The following KIAA1549L variants were observed in gnomAD, a reference collection of about 807,000 sequenced individuals.
KIAA1549L encodes the protein KIAA1549 like.
KIAA1549L carries 88 observed loss-of-function variants against 160.7 expected under a neutral mutation model. The ratio of observed to expected loss-of-function variants is 0.55; its 90% CI spans 0.46 to 0.65. The LOEUF is 0.65. KIAA1549L is among the 30% of genes least tolerant of loss of function. The pLI, the probability that KIAA1549L is intolerant of heterozygous loss-of-function variation, is 0.00. For synonymous variants in KIAA1549L, 950 were observed against 976.7 expected, an observed-to-expected ratio of 0.97 and a Z score of 0.51; for missense variants, 2,258 against 2,437.5, an observed-to-expected ratio of 0.93 and a Z score of 1.55.
At chr11:33,554,846 C>T (rs1436811727) in intron 6 of KIAA1549L, among the ~76,000 whole-genome samples, 1 of 152,204 alleles carries the variant, frequency 6.6e-6, no homozygotes, top group African/African-American at 2.4e-5. Context: ...GGTAGGCAAA[C>T]AACAGCTTTC....
chr11:33,667,847 T>C, intron 20 of KIAA1549L, 26 bp from the exon 21 acceptor site: 1 of 1,590,046 alleles, frequency 6.3e-7, no homozygotes, highest in Non-Finnish European at 8.6e-7. Context: ...CCAGGCCCTG[T>C]CCTTCTCTCC....
chr11:33,596,243 G>A (rs1214127923), intron 12 of KIAA1549L, among the ~76,000 whole-genome samples: 1 of 152,108 alleles, frequency 6.6e-6, no homozygotes. Flanking sequence ...CAAACACACG[G>A]GCACAAATCT....
chr11:33,577,234 T>C (rs1250318330), intron 10 of KIAA1549L, among the ~76,000 whole-genome samples: 1 of 151,922 alleles, frequency 6.6e-6, no homozygotes, highest in Admixed American at 6.6e-5. Flanking sequence ...GCAGGAGTGG[T>C]TTTGCAACCA....
intron 1 of KIAA1549L, among the ~76,000 whole-genome samples, chr11:33,518,138 C>CAAAAAAAAAAAAAAAAAAAAA (rs560876643): frequency 1.7e-4 from 10 of 59,414 alleles, no homozygotes; most frequent in African/African-American, 6.6e-4. Context: ...GACTCTGTCT[C>CAAAAAAAAAAAAAAAAAAAAA]AAAAAAAAAA....
At chr11:33,587,136 C>T (rs553995160) in intron 11 of KIAA1549L, among the ~76,000 whole-genome samples, 2 of 152,190 alleles carry the variant, frequency 1.3e-5, no homozygotes, top group African/African-American at 4.8e-5. Context: ...TGAGATATGT[C>T]TAGTATATAA....
chr11:33,481,215 T>A (rs982011779), intron 1 of KIAA1549L, among the ~76,000 whole-genome samples: 11 of 152,242 alleles, frequency 7.2e-5, no homozygotes, highest in Non-Finnish European at 1.5e-4. Context: ...ATGTGCTACT[T>A]TGAGTAGTAA....
At chr11:33,634,588 G>C (rs991154281) in intron 16 of KIAA1549L, among the ~76,000 whole-genome samples, 6 of 152,192 alleles carry the variant, frequency 3.9e-5, no homozygotes, top group African/African-American at 1.4e-4. Context: ...ACAAGTTATG[G>C]GGGGAGAAAG....
chr11:33,420,239 T>TTTGTTTGTTTGTTTGTTTGTTTG (rs1565129117), intron 1 of KIAA1549L, among the ~76,000 whole-genome samples: 2 of 122,458 alleles, frequency 1.6e-5, no homozygotes, highest in African/African-American at 6.4e-5. Flanking sequence ...TTTTTTGTTT[T>TTTGTTTGTTTGTTTGTTTGTTTG]TTTTTTTTTT....
chr11:33,424,243 A>G (rs1851074351), intron 1 of KIAA1549L, among the ~76,000 whole-genome samples: 1 of 152,202 alleles, frequency 6.6e-6, no homozygotes, highest in Non-Finnish European at 1.5e-5. Flanking sequence ...GGGCCAGAGA[A>G]TGATAACATC....
At chr11:33,390,360 T>A (rs1850250193) in intron 1 of KIAA1549L, among the ~76,000 whole-genome samples, 2 of 152,352 alleles carry the variant, frequency 1.3e-5, no homozygotes, top group South Asian at 4.1e-4. Context: ...TTCTGGAGAC[T>A]GGCTTTTTCT....
chr11:33,586,610 C>G (rs993064650), intron 11 of KIAA1549L, among the ~76,000 whole-genome samples: 6 of 152,094 alleles, frequency 3.9e-5, no homozygotes, highest in African/African-American at 1.4e-4. Flanking sequence ...AGGACTATAT[C>G]CAGATGCAGG....
intron 16 of KIAA1549L, among the ~76,000 whole-genome samples, chr11:33,636,452 T>C (rs1184423832): frequency 6.7e-6 from 1 of 150,128 alleles, no homozygotes; most frequent in Non-Finnish European, 1.5e-5. Context: ...GGGTTCAGCC[T>C]CCCAAGTAGC....
chr11:33,559,383 C>A (rs572236278), intron 6 of KIAA1549L, among the ~76,000 whole-genome samples: 2 of 152,336 alleles, frequency 1.3e-5, no homozygotes, highest in South Asian at 2.1e-4. Context: ...TGATTAAGAA[C>A]CTGGAGTCAA....
chr11:33,389,873 C>T (rs1159666343), intron 1 of KIAA1549L, among the ~76,000 whole-genome samples: 1 of 152,164 alleles, frequency 6.6e-6, no homozygotes, highest in Non-Finnish European at 1.5e-5. Context: ...CAGGGATTTG[C>T]ACATTATTCT....
At chr11:33,511,463 C>T (rs970610360) in intron 1 of KIAA1549L, among the ~76,000 whole-genome samples, 9 of 152,168 alleles carry the variant, frequency 5.9e-5, no homozygotes, top group Admixed American at 2.0e-4. Flanking sequence ...AAATTAATTC[C>T]TTTTCAGAAA....
intron 1 of KIAA1549L, among the ~76,000 whole-genome samples, chr11:33,496,195 C>A (rs1462498671): frequency 6.6e-6 from 1 of 152,168 alleles, no homozygotes; most frequent in Admixed American, 6.5e-5. Flanking sequence ...AACTCCTGAC[C>A]TCAGGTGATC....
chr11:33,645,915 A>G lies in KIAA1549L; in HGVS notation c.5639A>G (p.Gln1880Arg), dbSNP rs777632829. Reference protein sequence around the residue: ...SRHQEAYGSAQHLPYSEVVTS... With the variant: ...SRHQEAYGSARHLPYSEVVTS... ...CACCAAGAGGCCTACGGCTCAGCCCAGCACCTGCCCTATTCGGAGGTGGTG... is the reference window on the plus strand; with the variant it reads ...CACCAAGAGGCCTACGGCTCAGCCCGGCACCTGCCCTATTCGGAGGTGGTG... The change falls in exon 17 of 21, where the codon CAG (glutamine) becomes CGG (arginine). Residue 1880 changes from glutamine (Q) to arginine (R), a missense_variant. Physicochemically the swap from Gln to Arg is conservative, Grantham distance 43. Around this residue, in one of 6 missense-constraint regions of KIAA1549L, gnomAD observed 1,359 missense variants for 1,546.6 expected, o/e 0.88. Coordinates refer to ENST00000658780, the MANE Select transcript of KIAA1549L (RefSeq NM_012194.3). 4 of 1,613,478 alleles carry G rather than the reference A, an allele frequency of 2.5e-6. No homozygotes were observed. Among genetic ancestry groups the G allele is most frequent in the Admixed American group, 3.3e-5 (2 of 59,950 alleles).
intron 1 of KIAA1549L, among the ~76,000 whole-genome samples, chr11:33,467,103 G>T (rs1565148998): frequency 6.6e-6 from 1 of 152,098 alleles, no homozygotes. Flanking sequence ...ATGTACCCTA[G>T]AACTTAAAGT....
intron 6 of KIAA1549L, among the ~76,000 whole-genome samples, chr11:33,555,715 GA>G (rs1331441931): frequency 4.6e-5 from 7 of 152,134 alleles, no homozygotes; most frequent in Non-Finnish European, 7.4e-5. Flanking sequence ...ACTTTTATGG[GA>G]AAACATAGGG....
Sources: gnomAD v4.1 joint callset for allele counts (sites outside exome capture counted in the v4.1 genomes callset) on GRCh38, gnomAD v4.1.1 for gene constraint, gnomAD v4.1.1 regional missense constraint, MANE v1.5 for transcripts, NCBI Gene and HGNC (gene_info 2026-07-23, HGNC 2026-07-21) for gene names.